Variants in NLGN1 observed in about 807,000 individuals in gnomAD.
The protein encoded by NLGN1 is neuroligin-1.
Under a neutral mutation model 65.5 loss-of-function variants are expected in NLGN1, and 12 were observed. The observed-to-expected ratio is 0.18, with a 90% CI of 0.12 to 0.30. The LOEUF is 0.30. Ranked by LOEUF, NLGN1 falls within the 10% of genes least tolerant of loss-of-function variation. The pLI, the probability that NLGN1 is intolerant of heterozygous loss-of-function variation, is 1.00. For missense variants in NLGN1, 750 were observed against 1,007.1 expected (o/e 0.74, Z 3.46); for synonymous variants, 350 against 359.5 (o/e 0.97, Z 0.30).
chr3:174,196,601 G>T (rs905028494), intron 4 of NLGN1, among the ~76,000 whole-genome samples: 2 of 152,152 alleles, frequency 1.3e-5, no homozygotes, highest in South Asian at 2.1e-4. Context: ...AATTTGGTGC[G>T]TTCTTAGAGT....
At chr3:173,595,951 A>C (rs61017094) in intron 2 of NLGN1, among the ~76,000 whole-genome samples, 3,239 of 152,314 alleles carry the variant, frequency 0.021, 120 homozygotes, top group African/African-American at 0.074. Context: ...GAATTATGGG[A>C]GTTCAATTCA....
intron 4 of NLGN1, among the ~76,000 whole-genome samples, chr3:174,081,988 G>A (rs1336362442): frequency 1.3e-5 from 2 of 152,194 alleles, no homozygotes; most frequent in Non-Finnish European, 2.9e-5. Flanking sequence ...ATATGAGAGA[G>A]TAGTTGATGA....
intron 3 of NLGN1, among the ~76,000 whole-genome samples, chr3:173,619,305 G>A (rs544385670): frequency 1.3e-5 from 2 of 152,090 alleles, no homozygotes; most frequent in Non-Finnish European, 2.9e-5. Flanking sequence ...AAAAAGACAT[G>A]TTGTAACTTT....
intron 4 of NLGN1, among the ~76,000 whole-genome samples, chr3:174,002,190 C>T (rs1207317889): frequency 3.3e-5 from 5 of 152,082 alleles, no homozygotes; most frequent in Non-Finnish European, 7.4e-5. Flanking sequence ...TGCAGTGGCA[C>T]GATCTCAGCT....
At chr3:174,175,855 A>G (rs1219520184) in intron 4 of NLGN1, among the ~76,000 whole-genome samples, 2 of 151,938 alleles carry the variant, frequency 1.3e-5, no homozygotes, top group Non-Finnish European at 2.9e-5. Flanking sequence ...ATATCACAGT[A>G]CCTTCCTAAT....
At chr3:174,136,339 C>T (rs1287811672) in intron 4 of NLGN1, 2 of 152,088 alleles carry the variant, frequency 1.3e-5, no homozygotes, top group Non-Finnish European at 2.9e-5. Flanking sequence ...ATACTTCAGC[C>T]TGTTTCCATG....
At chr3:173,743,464 C>T (rs969398417) in intron 3 of NLGN1, among the ~76,000 whole-genome samples, 38 of 152,224 alleles carry the variant, frequency 2.5e-4, no homozygotes, top group African/African-American at 8.4e-4. Flanking sequence ...CATACTACTT[C>T]AGTGTCACTG....
In NLGN1 at chr3:173,704,351, T is replaced by G. The variant is rs751176669; in HGVS notation, c.493+99260T>G. ...CAAAATTGGTGGCCAAGCTGTAGTC[T>G]TTCAGTATGTATGGATTTTTTTTCA... On this transcript the variant is annotated intron_variant, in intron 3 of 6. Coordinates refer to ENST00000457714, the Ensembl canonical transcript of NLGN1. Among the ~76,000 whole-genome samples the G allele has an allele frequency of 5.3e-5, 8 of 152,340 alleles. No individual in the cohort carries two copies. In the Middle Eastern group the frequency reaches 0.014, roughly 259 times the overall value.
intron 3 of NLGN1, among the ~76,000 whole-genome samples, chr3:173,781,144 C>CAAAAAAAAA (rs769716428): frequency 1.2e-4 from 10 of 80,386 alleles, no homozygotes; most frequent in Non-Finnish European, 2.3e-5. Flanking sequence ...GACTCCGTCT[C>CAAAAAAAAA]AAAAAAAAAA....
intron 4 of NLGN1, among the ~76,000 whole-genome samples, chr3:174,271,785 C>CTATT (rs1008224619): frequency 3.3e-5 from 5 of 151,640 alleles, no homozygotes; most frequent in Admixed American, 6.6e-5. Flanking sequence ...TAAATAAATT[C>CTATT]TATTTGGACA....
At chr3:174,163,688 G>C (rs1049222466) in intron 4 of NLGN1, among the ~76,000 whole-genome samples, 4 of 151,936 alleles carry the variant, frequency 2.6e-5, no homozygotes, top group Admixed American at 2.0e-4. Flanking sequence ...ACAGTATTTG[G>C]TTTTTTGTTT....
intron 2 of NLGN1, among the ~76,000 whole-genome samples, chr3:173,495,406 A>G (rs1238482839): frequency 2.6e-5 from 4 of 151,710 alleles, no homozygotes; most frequent in Non-Finnish European, 5.9e-5. Context: ...TATTCTATGT[A>G]AATTTTCATA....
intron 2 of NLGN1, among the ~76,000 whole-genome samples, chr3:173,487,219 G>A (rs143720001): frequency 3.9e-5 from 6 of 152,022 alleles, no homozygotes; most frequent in South Asian, 4.1e-4. Context: ...TTCTCACCAC[G>A]TCAAACATGT....
chr3:173,837,764 C>T (rs1001270992), intron 4 of NLGN1, among the ~76,000 whole-genome samples: 2 of 152,022 alleles, frequency 1.3e-5, no homozygotes, highest in Non-Finnish European at 2.9e-5. Flanking sequence ...TTAACTATGG[C>T]AAAGCATGAG....
At chr3:173,776,712 C>A (rs919166994) in intron 3 of NLGN1, among the ~76,000 whole-genome samples, 1 of 151,860 alleles carries the variant, frequency 6.6e-6, no homozygotes, top group Non-Finnish European at 1.5e-5. Context: ...TATTTTCCTC[C>A]GTATATAAAA....
chr3:173,715,900 T>G (rs1373275311), intron 3 of NLGN1, among the ~76,000 whole-genome samples: 2 of 152,034 alleles, frequency 1.3e-5, no homozygotes, highest in Non-Finnish European at 2.9e-5. Flanking sequence ...AAAAAAAATT[T>G]CATTATTTAG....
chr3:174,110,671 G>A (rs1715002858), intron 4 of NLGN1, among the ~76,000 whole-genome samples: 1 of 151,912 alleles, frequency 6.6e-6, no homozygotes, highest in Non-Finnish European at 1.5e-5. Context: ...AAGGACATTT[G>A]CTTGATATAG....
intron 3 of NLGN1, among the ~76,000 whole-genome samples, chr3:173,639,411 G>C (rs1461030028): frequency 1.3e-5 from 2 of 152,238 alleles, no homozygotes; most frequent in East Asian, 1.9e-4. Context: ...TGGGAGAACT[G>C]GGCCAGACCT....
rs113250108 is a variant in NLGN1, at chr3:174,065,307, CAG to C, written c.647-210002_647-210001del. Among the ~76,000 whole-genome samples the C allele has an allele frequency of 5.6e-3, 849 of 151,966 alleles. 11 individuals carry two copies. Among genetic ancestry groups the C allele is most frequent in the African/African-American group, 0.02 (813 of 41,462 alleles). ...TGTGTGTTTCTGTGAGAGAGGGAAA[CAG>C]AGAGACAGAGAGAAAGAGACAGATT... On this transcript the variant is annotated intron_variant, in intron 4 of 6. Coordinates refer to ENST00000457714, the Ensembl canonical transcript of NLGN1.
Sources: gnomAD v4.1 joint callset for allele counts (sites outside exome capture counted in the v4.1 genomes callset) on GRCh38, gnomAD v4.1.1 for gene constraint, MANE v1.5 for transcripts, NCBI Gene and HGNC (gene_info 2026-07-23, HGNC 2026-07-21) for gene names.